ACTL8: variants seen among roughly 807,000 people sequenced by gnomAD.
ACTL8 encodes the protein actin like 8.
Under a neutral mutation model 9.3 loss-of-function variants are expected in ACTL8, and 3 were observed. That is an observed-to-expected ratio of 0.32 (90% CI 0.15 to 0.83). The LOEUF (loss-of-function observed/expected upper bound fraction) is 0.83. ACTL8 is among the 40% of genes least tolerant of loss of function. The probability of loss-of-function intolerance (pLI) is 0.57; values close to 1 mark genes in which losing one functional copy is unlikely to be tolerated. For synonymous variants in ACTL8, 224 were observed against 205.9 expected (o/e 1.09, Z -0.75); for missense variants, 381 against 492.2 (o/e 0.77, Z 2.14).
At chr1:17,762,980 G>A (rs1167293350) in intron 1 of ACTL8, among the ~76,000 whole-genome samples, 2 of 152,128 alleles carry the variant, frequency 1.3e-5, no homozygotes, top group African/African-American at 2.4e-5. Context: ...TTCCTCGTTC[G>A]CCTTTTGGGG....
At chr1:17,824,963 G>C (rs980303090) in intron 2 of ACTL8, among the ~76,000 whole-genome samples, 11 of 152,058 alleles carry the variant, frequency 7.2e-5, no homozygotes, top group African/African-American at 2.7e-4. Context: ...ATGGGCTTGT[G>C]GGGGCTTGAA....
chr1:17,824,391 T>G (rs993634110), intron 2 of ACTL8, among the ~76,000 whole-genome samples: 8 of 152,196 alleles, frequency 5.3e-5, no homozygotes, highest in African/African-American at 1.9e-4. Context: ...ATTTTTTAAA[T>G]AAAAACTTTC....
At chr1:17,798,040 A>T (rs2066290617) in intron 1 of ACTL8, among the ~76,000 whole-genome samples, 7 of 152,116 alleles carry the variant, frequency 4.6e-5, no homozygotes. Flanking sequence ...CCCGGAGTAG[A>T]TTGACAATCT....
In ACTL8 at chr1:17,765,708, C is replaced by T. The variant is rs190658798; in HGVS notation, c.-25+10204C>T. ...AATGTCTGATTCACTCACTTATTCA[C>T]GATCTGTCTCCACTCCCCGGAATGT... On this transcript the variant is annotated intron_variant, in intron 1 of 2. Transcript: ENST00000375406. Among the ~76,000 whole-genome samples, 380 of 152,332 alleles carry T rather than the reference C, an allele frequency of 2.5e-3. 1 individual carries two copies. Among genetic ancestry groups the T allele is most frequent in the African/African-American group, 8.5e-3 (352 of 41,582 alleles).
chr1:17,782,679 G>T (rs2066165592), intron 1 of ACTL8, among the ~76,000 whole-genome samples: 1 of 152,160 alleles, frequency 6.6e-6, no homozygotes. Context: ...CCAGTCTTCT[G>T]CTTCTGAACA....
chr1:17,811,461 C>T (rs2066392577), intron 1 of ACTL8, among the ~76,000 whole-genome samples: 1 of 152,024 alleles, frequency 6.6e-6, no homozygotes, highest in Non-Finnish European at 1.5e-5. Flanking sequence ...TTGGTGAAGT[C>T]CAGGATATTA....
rs368735259 is a variant in ACTL8, at chr1:17,773,696, C to T, written c.-25+18192C>T. Among the ~76,000 whole-genome samples, 19 of 152,140 alleles carry T rather than the reference C, an allele frequency of 1.2e-4. No individual in the cohort carries two copies. In the East Asian group the frequency reaches 1.9e-3, roughly 15 times the overall value. ...CTCCCCTTAGCTGTGTGACTTTGGG[C>T]GACATTCGTGACCTTTCTGTGCCCA... On this transcript the variant is annotated intron_variant, in intron 1 of 2. Transcript: ENST00000375406.
At chr1:17,790,546 G>A (rs1016701530) in intron 1 of ACTL8, among the ~76,000 whole-genome samples, 5 of 152,184 alleles carry the variant, frequency 3.3e-5, no homozygotes, top group Non-Finnish European at 7.3e-5. Flanking sequence ...CTGATCCCAG[G>A]GCTTTTATGG....
At chr1:17,761,853 G>T (rs2066008530) in intron 1 of ACTL8, among the ~76,000 whole-genome samples, 1 of 152,128 alleles carries the variant, frequency 6.6e-6, no homozygotes, top group Non-Finnish European at 1.5e-5. Context: ...TTACAGGCGT[G>T]AGCTGCCGCG....
At chr1:17,790,934 G>C (rs1014855550) in intron 1 of ACTL8, among the ~76,000 whole-genome samples, 2 of 152,216 alleles carry the variant, frequency 1.3e-5, no homozygotes, top group Admixed American at 6.5e-5. Context: ...GACAGGGCCT[G>C]GGCTTGGCCT....
rs59143238 is a variant in ACTL8 at position 17,800,583 on chromosome 1, C to CTTTTTTTTTTTTTTTTTTTTTTTTTTT, written c.-24-22401_-24-22375dup. On this transcript the variant is annotated intron_variant, in intron 1 of 2. Transcript: ENST00000375406. The stretch of plus-strand genomic sequence containing the variant: ...CAAACTTCCTTGCCTTGGTGTCAAT[C>CTTTTTTTTTTTTTTTTTTTTTTTTTTT]TTTTTTTTTTTTTTTTTTTTTTTTT... Among the ~76,000 whole-genome samples, 3 of 69,168 alleles carry CTTTTTTTTTTTTTTTTTTTTTTTTTTT rather than the reference C, an allele frequency of 4.3e-5. 1 individual carries two copies. The highest frequency in any genetic ancestry group is 1.9e-4 in the African/African-American group (3 of 15,476). The allele number at this position is 69,168 out of a possible 152,430, so 45.4% of individuals were successfully genotyped here.
intron 1 of ACTL8, among the ~76,000 whole-genome samples, chr1:17,777,630 G>C (rs1257395826): frequency 6.6e-6 from 1 of 152,160 alleles, no homozygotes; most frequent in Non-Finnish European, 1.5e-5. Flanking sequence ...TCTGCTGATT[G>C]ATTCGTGATG....
chr1:17,768,578 A>G (rs922554430), intron 1 of ACTL8, among the ~76,000 whole-genome samples: 5 of 152,212 alleles, frequency 3.3e-5, no homozygotes, highest in African/African-American at 7.2e-5. Context: ...AAAGTACAGG[A>G]CCGAGTTCCT....
At chr1:17,771,637 C>G (rs1427171977) in intron 1 of ACTL8, among the ~76,000 whole-genome samples, 3 of 152,068 alleles carry the variant, frequency 2.0e-5, no homozygotes, top group Admixed American at 2.0e-4. Context: ...GCCCGATTGG[C>G]AGAATTGACA....
chr1:17,793,841 T>C (rs1276249092), intron 1 of ACTL8, among the ~76,000 whole-genome samples: 2 of 152,156 alleles, frequency 1.3e-5, no homozygotes, highest in Non-Finnish European at 2.9e-5. Flanking sequence ...GCATCCTTTG[T>C]GTAGAATATG....
intron 1 of ACTL8, among the ~76,000 whole-genome samples, chr1:17,785,584 C>A (rs1050741431): frequency 6.6e-6 from 1 of 152,214 alleles, no homozygotes; most frequent in Non-Finnish European, 1.5e-5. Flanking sequence ...TAGATTTCAA[C>A]CCTCTCATCC....
intron 1 of ACTL8, among the ~76,000 whole-genome samples, chr1:17,805,377 C>CTTTTTTTTTTTTTT (rs56870755): frequency 2.6e-4 from 26 of 100,196 alleles, no homozygotes; most frequent in African/African-American, 3.6e-4. Context: ...TTTTCTTTTT[C>CTTTTTTTTTTTTTT]TTTTTTTTTT....
intron 1 of ACTL8, among the ~76,000 whole-genome samples, chr1:17,768,337 G>A (rs903377697): frequency 2.0e-5 from 3 of 152,312 alleles, no homozygotes; most frequent in East Asian, 1.9e-4. Context: ...ACCTTGTGGC[G>A]AGGCCTGGCC....
At chr1:17,807,605 C>T (rs977048966) in intron 1 of ACTL8, among the ~76,000 whole-genome samples, 4 of 152,090 alleles carry the variant, frequency 2.6e-5, no homozygotes, top group Non-Finnish European at 5.9e-5. Flanking sequence ...AAATGGCCAT[C>T]AGTGATAGAC....
Sources: gnomAD v4.1 joint callset for allele counts (sites outside exome capture counted in the v4.1 genomes callset) on GRCh38, gnomAD v4.1.1 for gene constraint, MANE v1.5 for transcripts, NCBI Gene and HGNC (gene_info 2026-07-23, HGNC 2026-07-21) for gene names.